Variants in PCDHGB6 observed in about 807,000 individuals in gnomAD.
PCDHGB6 encodes the protein protocadherin gamma-B6.
Under a neutral mutation model 59.1 loss-of-function variants are expected in PCDHGB6, and 51 were observed. That is an observed-to-expected ratio of 0.86 (90% CI 0.69 to 1.09). The LOEUF (loss-of-function observed/expected upper bound fraction) is 1.09, where lower values mean the gene tolerates loss of function less well. Ranked by LOEUF, PCDHGB6 falls within the 50% of genes least tolerant of loss-of-function variation. The pLI is 0.00. For missense variants in PCDHGB6, 1,148 were observed against 1,205.1 expected (o/e 0.95, Z 0.70); for synonymous variants, 466 against 495.1 (o/e 0.94, Z 0.78).
At chr5:141,452,909 TAC>T (rs1370071626) in intron 1 of PCDHGB6, among the ~76,000 whole-genome samples, 2 of 152,232 alleles carry the variant, frequency 1.3e-5, no homozygotes, top group African/African-American at 4.8e-5. Context: ...GTTGGCATTA[TAC>T]AGTAAGAAAG....
rs1190445239 is a variant in PCDHGB6 at position 141,431,331 on chromosome 5, A to T, written c.2418+20711A>T. 1 of 1,614,062 alleles carries T rather than the reference A, an allele frequency of 6.2e-7. No individual in the cohort carries two copies. The highest frequency in any genetic ancestry group is 1.7e-5 in the Admixed American group (1 of 60,026). On this transcript the variant is annotated intron_variant, in intron 1 of 3. Coordinates refer to ENST00000520790, the MANE Select transcript of PCDHGB6 (RefSeq NM_018926.3). The surrounding 1 kb of genome is among the most constrained non-coding windows in gnomAD (Gnocchi z 4.8). ...CAAAATGGAGCCGACGGTAGTAAGT[A>T]CCCCGAATTGGTGCTGAAACGCGCC...
chr5:141,427,931 G>T (rs1381637805), intron 1 of PCDHGB6: 3 of 1,583,646 alleles, frequency 1.9e-6, no homozygotes, highest in Non-Finnish European at 2.6e-6. Flanking sequence ...GGCGCATGTT[G>T]GTGGGCGACC....
chr5:141,508,971 T>C (rs776443205), intron 3 of PCDHGB6, among the ~76,000 whole-genome samples: 14 of 152,004 alleles, frequency 9.2e-5, no homozygotes, highest in Non-Finnish European at 2.1e-4. Context: ...ATGAAAGGGC[T>C]GGGGGTGGGG....
intron 2 of PCDHGB6, among the ~76,000 whole-genome samples, chr5:141,502,866 C>CTTTTTTT (rs549047197): frequency 0.02 from 2,590 of 127,990 alleles, 216 homozygotes; most frequent in African/African-American, 0.075. Flanking sequence ...GACTCTCTGT[C>CTTTTTTT]TTTTTTTTTT....
intron 1 of PCDHGB6, among the ~76,000 whole-genome samples, chr5:141,445,740 A>T (rs993128906): frequency 2.6e-5 from 4 of 152,226 alleles, no homozygotes; most frequent in Admixed American, 1.3e-4. Flanking sequence ...AGATCTTTTT[A>T]AAAAATAAAA....
At chr5:141,444,880 G>C (rs527554886) in intron 1 of PCDHGB6, among the ~76,000 whole-genome samples, 5 of 152,268 alleles carry the variant, frequency 3.3e-5, no homozygotes, top group Admixed American at 1.3e-4. Flanking sequence ...AAGCTTGTAG[G>C]ATTTTTGAAT....
At chr5:141,415,012 C>T (rs1451963535) in intron 1 of PCDHGB6, 2 of 1,613,644 alleles carry the variant, frequency 1.2e-6, no homozygotes, top group South Asian at 1.1e-5. Context: ...CTACCGTCTG[C>T]TCAAGGCCAG....
Position 141,408,708 on chromosome 5 carries a change from A to G in PCDHGB6, c.506A>G (p.Asp169Gly), listed in dbSNP as rs773303576. The change falls in exon 1 of 4, where the codon GAT becomes GGT. Residue 169 changes from aspartate to glycine, a missense_variant. By Grantham distance (94) the Asp-to-Gly change is moderately conservative. Coordinates refer to ENST00000520790, the MANE Select transcript of PCDHGB6 (RefSeq NM_018926.3). ...DPDININSIK[D>G]YKINSNPYFS... ...GATATAAACATAAACTCAATTAAAG[A>G]TTATAAGATAAACTCTAATCCTTAT... is the stretch of plus-strand genomic sequence containing the variant. The G allele has an allele frequency of 6.2e-6, 10 of 1,612,888 alleles. No homozygotes were observed. The highest frequency in any genetic ancestry group is 8.5e-6 in the Non-Finnish European group (10 of 1,179,234).
intron 1 of PCDHGB6, chr5:141,430,598 T>G: frequency 1.7e-6 from 1 of 598,568 alleles, no homozygotes; most frequent in Non-Finnish European, 2.6e-6. Context: ...TGCACGCGCC[T>G]GAAGCACAAA....
At chr5:141,413,065 T>A (rs2095601710) in intron 1 of PCDHGB6, 2 of 1,159,986 alleles carry the variant, frequency 1.7e-6, no homozygotes, top group African/African-American at 3.1e-5. Flanking sequence ...CTCCAGAATT[T>A]AAAGTGCCCA....
intron 1 of PCDHGB6, among the ~76,000 whole-genome samples, chr5:141,446,571 G>C (rs1460375061): frequency 2.0e-5 from 3 of 152,058 alleles, no homozygotes; most frequent in African/African-American, 7.2e-5. Flanking sequence ...CTGCCTCCCA[G>C]GTTCAAGTGA....
intron 2 of PCDHGB6, among the ~76,000 whole-genome samples, chr5:141,503,340 T>A (rs1394172617): frequency 6.6e-6 from 1 of 152,064 alleles, no homozygotes; most frequent in African/African-American, 2.4e-5. Flanking sequence ...CTCACGCCTG[T>A]AATTCCAGCA....
rs749347013 is a variant in PCDHGB6, at chr5:141,476,739, C to G, written c.2419-18068C>G. 6.2e-7 allele frequency: 1 copy of G among 1,614,068 alleles called. No individual in the cohort carries two copies. Among genetic ancestry groups the G allele is most frequent in the South Asian group, 1.1e-5 (1 of 91,088 alleles). On this transcript the variant is annotated intron_variant, in intron 1 of 3. Transcript: ENST00000520790. The surrounding 1 kb of genome is among the most constrained non-coding windows in gnomAD (Gnocchi z 7.6). Reference sequence around the variant, plus strand: ...CGCGCCCTGGACCGAGAACGGGAGCCTAGTCTCCAGTTAGTGCTGACGGCG... The same window carrying G: ...CGCGCCCTGGACCGAGAACGGGAGCGTAGTCTCCAGTTAGTGCTGACGGCG...
At chr5:141,456,574 T>G (rs373414652) in intron 1 of PCDHGB6, among the ~76,000 whole-genome samples, 3 of 152,198 alleles carry the variant, frequency 2.0e-5, no homozygotes, top group South Asian at 4.1e-4. Flanking sequence ...ACATTTTCCC[T>G]GAGCCTGTCA....
chr5:141,478,799 CTT>C, intron 1 of PCDHGB6: 1 of 1,463,738 alleles, frequency 6.8e-7, no homozygotes, highest in Non-Finnish European at 9.0e-7. Flanking sequence ...CCTCAGCACT[CTT>C]TTGCTATCAC....
chr5:141,437,518 T>C (rs1482415074), intron 1 of PCDHGB6, among the ~76,000 whole-genome samples: 1 of 152,210 alleles, frequency 6.6e-6, no homozygotes, highest in African/African-American at 2.4e-5. Flanking sequence ...ATAAGGCTGA[T>C]GACAAATGAG....
Position 141,486,683 on chromosome 5 carries a change from G to T in PCDHGB6, c.2419-8124G>T. The T allele has an allele frequency of 6.2e-7, 1 of 1,614,092 alleles. No homozygotes were observed. Among genetic ancestry groups the T allele is most frequent in the Non-Finnish European group, 8.5e-7 (1 of 1,180,026 alleles). ...GGAGCCCAGGAATCGAGATGTATCA[G>T]CTTCCTCTTTCATCTCTCTGAACCC... On this transcript the variant is annotated intron_variant, in intron 1 of 3. Transcript: ENST00000520790. This position sits in a 1 kb window ranked among gnomAD's most constrained non-coding sequence, Gnocchi z 5.0.
At chr5:141,488,859 G>A (rs1033425540) in intron 1 of PCDHGB6, among the ~76,000 whole-genome samples, 12 of 152,204 alleles carry the variant, frequency 7.9e-5, no homozygotes, top group African/African-American at 2.9e-4. Context: ...GCAGCACGAA[G>A]TGAGTGGGGA....
At chr5:141,418,310 G>A in intron 1 of PCDHGB6, 1 of 1,613,990 alleles carries the variant, frequency 6.2e-7, no homozygotes, top group Non-Finnish European at 8.5e-7. Context: ...CCTGGGGATG[G>A]GAACAATTCT....
Sources: gnomAD v4.1 joint callset for allele counts (sites outside exome capture counted in the v4.1 genomes callset) on GRCh38, gnomAD v4.1.1 for gene constraint, Gnocchi (gnomAD v3.1) non-coding constraint, MANE v1.5 for transcripts, NCBI Gene and HGNC (gene_info 2026-07-23, HGNC 2026-07-21) for gene names.